AMMECR1L: variants seen among roughly 807,000 people sequenced by gnomAD.
AMMECR1L encodes AMMECR1-like protein.
A neutral mutation model predicts 36.8 loss-of-function variants in AMMECR1L; 4 were observed. That is an observed-to-expected ratio of 0.11 (90% CI 0.05 to 0.25). The LOEUF (loss-of-function observed/expected upper bound fraction) is 0.25. Among genes scored for constraint, AMMECR1L ranks in the 10% least tolerant of loss-of-function variants. The probability of loss-of-function intolerance (pLI) is 1.00; values close to 1 mark genes in which losing one functional copy is unlikely to be tolerated. For missense variants in AMMECR1L, 232 were observed against 392.1 expected, an observed-to-expected ratio of 0.59 and a Z score of 3.45; for synonymous variants, 147 against 148.0, an observed-to-expected ratio of 0.99 and a Z score of 0.05.
chr2:127,869,056 A>G lies in AMMECR1L; in HGVS notation c.724+398T>C, dbSNP rs1416448514. Among the ~76,000 whole-genome samples the G allele has an allele frequency of 2.6e-5, 4 of 152,162 alleles. No homozygotes were observed. The highest frequency in any genetic ancestry group is 9.7e-5 in the African/African-American group (4 of 41,448). On this transcript the variant is annotated intron_variant, in intron 6 of 7. Coordinates refer to ENST00000272647, the MANE Select transcript of AMMECR1L (RefSeq NM_001199140.2). This position sits in a 1 kb window ranked among gnomAD's most constrained non-coding sequence, Gnocchi z 4.7. ...AGTTCTTTAAAAAACAGTAGGGACT[A>G]TGTTTACACCCTTTGCCATGTATAA... is the stretch of plus-strand genomic sequence containing the variant.
chr2:127,878,892 C>T (rs1245089796), intron 2 of AMMECR1L, among the ~76,000 whole-genome samples: 3 of 152,258 alleles, frequency 2.0e-5, no homozygotes, highest in African/African-American at 7.2e-5. Context: ...TATTAGAAGG[C>T]ATTTCTTTAA....
In AMMECR1L at chr2:127,865,414, T is replaced by TC. The variant is rs1690639174; in HGVS notation, c.822-210dup. On this transcript the variant is annotated intron_variant, in intron 7 of 7. Transcript: ENST00000272647. This position sits in a 1 kb window ranked among gnomAD's most constrained non-coding sequence, Gnocchi z 5.4. ...CAAGATGAAAAAGCACAATCACAAT[T>TC]CCCCCGAGAATGTGTTTCAGCACAT... Among the ~76,000 whole-genome samples, 1 of 151,760 alleles carries TC rather than the reference T, an allele frequency of 6.6e-6. No homozygotes were observed. The highest frequency in any genetic ancestry group is 2.1e-4 in the South Asian group (1 of 4,802).
intron 2 of AMMECR1L, among the ~76,000 whole-genome samples, chr2:127,877,224 A>G (rs556408151): frequency 6.6e-6 from 1 of 151,466 alleles, no homozygotes; most frequent in Non-Finnish European, 1.5e-5. Flanking sequence ...CAGAGCACAC[A>G]CTCTTCAAAA....
At chr2:127,883,130 C>T (rs111306782) in intron 2 of AMMECR1L, among the ~76,000 whole-genome samples, 4,555 of 149,658 alleles carry the variant, frequency 0.03, 86 homozygotes, top group Non-Finnish European at 0.046. Context: ...CAGAGTCTCG[C>T]TCTGTCGTCA....
At chr2:127,866,832 C>G in intron 7 of AMMECR1L, 68 bp downstream of exon 7, 1 of 1,405,314 alleles carries the variant, frequency 7.1e-7, no homozygotes, top group African/African-American at 1.4e-5. Flanking sequence ...TTCTCCATCC[C>G]ATCAAAATTA....
rs1274909997 is a variant in AMMECR1L at position 127,862,164 on chromosome 2, T to C, written c.*2930A>G. 1 of 153,658 alleles carries C rather than the reference T, an allele frequency of 6.5e-6. No homozygotes were observed. The highest frequency in any genetic ancestry group is 6.6e-5 in the Admixed American group (1 of 15,266). 9.5% of individuals were successfully genotyped at this position (153,658 alleles called of 1,614,324 possible). A position where few individuals can be genotyped will look rare whatever the true frequency, so the allele number is the denominator to read the frequency against. The stretch of plus-strand genomic sequence containing the variant: ...AATTACAGAGAGAATGTCCTAGCTG[T>C]GGGTATTATGAGACAAGCCAACTTT... On this transcript the variant is annotated 3_prime_UTR_variant, in exon 8 of 8. Transcript: ENST00000272647.
intron 6 of AMMECR1L, among the ~76,000 whole-genome samples, chr2:127,868,156 C>T (rs1413449407): frequency 2.6e-5 from 4 of 152,188 alleles, no homozygotes; most frequent in South Asian, 2.1e-4. Flanking sequence ...TGTGAGCAAA[C>T]GTGCCCAGCC....
At chr2:127,879,594 T>C (rs1691399708) in intron 2 of AMMECR1L, among the ~76,000 whole-genome samples, 2 of 152,194 alleles carry the variant, frequency 1.3e-5, no homozygotes, top group African/African-American at 4.8e-5. Context: ...AGGCAAAGAA[T>C]GTAAACCAAG....
intron 1 of AMMECR1L, chr2:127,884,616 A>G (rs1318392813): frequency 3.3e-5 from 5 of 152,232 alleles, no homozygotes; most frequent in Non-Finnish European, 5.9e-5. Flanking sequence ...CTTCCCCACC[A>G]CAGATGCAGA....
chr2:127,869,371 G>T lies in AMMECR1L; in HGVS notation c.724+83C>A. ...ATTCTCAGCTGCAGTTGGGCTGCAA[G>T]ATGACACACTTCACTTTCTTGCCCT... On this transcript the variant is annotated intron_variant, in intron 6 of 7. Coordinates refer to ENST00000272647, the MANE Select transcript of AMMECR1L (RefSeq NM_001199140.2). This position sits in a 1 kb window ranked among gnomAD's most constrained non-coding sequence, Gnocchi z 4.7. 7.5e-7 allele frequency: 1 copy of T among 1,338,594 alleles called. No homozygotes were observed. The highest frequency in any genetic ancestry group is 1.2e-5 in the South Asian group (1 of 84,418). 82.9% of individuals were successfully genotyped at this position (1,338,594 alleles called of 1,614,324 possible).
chr2:127,869,362 G>T lies in AMMECR1L; in HGVS notation c.724+92C>A, dbSNP rs1248816715. On this transcript the variant is annotated intron_variant, in intron 6 of 7. Coordinates refer to ENST00000272647, the MANE Select transcript of AMMECR1L (RefSeq NM_001199140.2). This position sits in a 1 kb window ranked among gnomAD's most constrained non-coding sequence, Gnocchi z 4.7. ...AAGGCCCTCATTCTCAGCTGCAGTT[G>T]GGCTGCAAGATGACACACTTCACTT... The T allele has an allele frequency of 1.1e-5, 13 of 1,209,364 alleles. No homozygotes were observed. The highest frequency in any genetic ancestry group is 1.5e-5 in the African/African-American group (1 of 66,556). The allele number at this position is 1,209,364 out of a possible 1,614,324, so 74.9% of individuals were successfully genotyped here. A position where few individuals can be genotyped will look rare whatever the true frequency, so the allele number is the denominator to read the frequency against.
Position 127,873,758 on chromosome 2 carries a change from T to A in AMMECR1L, c.407+70A>T, listed in dbSNP as rs1573550027. ...ATAAAGACTTCCAAGTAGCAGACCC[T>A]CTCAAGAGAATCACCCCAGAAAGAT... On this transcript the variant is annotated intron_variant, in intron 3 of 7. Coordinates refer to ENST00000272647, the MANE Select transcript of AMMECR1L (RefSeq NM_001199140.2). This position sits in a 1 kb window ranked among gnomAD's most constrained non-coding sequence, Gnocchi z 5.2. The A allele has an allele frequency of 5.0e-6, 8 of 1,607,824 alleles. No homozygotes were observed. The highest frequency in any genetic ancestry group is 2.1e-4 in the Middle Eastern group (1 of 4,730).
In AMMECR1L at chr2:127,862,357, A is replaced by G. The variant is rs1211149357; in HGVS notation, c.*2737T>C. The G allele has an allele frequency of 1.3e-5, 2 of 153,774 alleles. No individual in the cohort carries two copies. The highest frequency in any genetic ancestry group is 4.8e-5 in the African/African-American group (2 of 41,440). The allele number at this position is 153,774 out of a possible 1,614,324, so 9.5% of individuals were successfully genotyped here. A position where few individuals can be genotyped will look rare whatever the true frequency, so the allele number is the denominator to read the frequency against. ...TCCCTTTTCTTTAAACCTACCACGC[A>G]CACCGCAGGTACTGGCCGCCCTCAT... On this transcript the variant is annotated 3_prime_UTR_variant, in exon 8 of 8. Coordinates refer to ENST00000272647, the MANE Select transcript of AMMECR1L (RefSeq NM_001199140.2).
At chr2:127,881,342 G>A (rs1217950172) in intron 2 of AMMECR1L, among the ~76,000 whole-genome samples, 1 of 107,112 alleles carries the variant, frequency 9.3e-6, no homozygotes, top group Non-Finnish European at 2.4e-5. Context: ...ACACAAAGAT[G>A]TGATGATGCC....
At position 127,873,860 on chromosome 2, in the gene AMMECR1L, C is replaced by T. The variant is rs1254718040; in HGVS notation, c.375G>A (p.Gln125=). The T allele has an allele frequency of 5.0e-6, 8 of 1,614,038 alleles. No homozygotes were observed. The African/African-American group carries it at 5.3e-5, about 11-fold the overall frequency. ...VLYCHLYGFP[Q]PRLPRFTNDP... ...CATTGGTGAATCTAGGAAGTCGTGG[C>T]TGTGGGAAGCCATAGAGGTGACAGT... Residue 125 remains glutamine (Q), a synonymous_variant, in exon 3 of 8, where the codon CAG becomes CAA. Coordinates refer to ENST00000272647, the MANE Select transcript of AMMECR1L (RefSeq NM_001199140.2). The surrounding 1 kb of genome is among the most constrained non-coding windows in gnomAD (Gnocchi z 5.2).
At chr2:127,878,315 C>T (rs184471944) in intron 2 of AMMECR1L, among the ~76,000 whole-genome samples, 1 of 152,132 alleles carries the variant, frequency 6.6e-6, no homozygotes, top group Admixed American at 6.5e-5. Flanking sequence ...GCTAGAGATA[C>T]AGGTCAGATG....
intron 2 of AMMECR1L, among the ~76,000 whole-genome samples, chr2:127,883,094 A>G (rs1435141941): frequency 1.5e-5 from 2 of 130,900 alleles, no homozygotes; most frequent in African/African-American, 6.4e-5. Flanking sequence ...AGAACTGCAA[A>G]TTTCTTTTCT....
intron 7 of AMMECR1L, among the ~76,000 whole-genome samples, chr2:127,866,172 A>G (rs1690675999): frequency 6.6e-6 from 1 of 152,234 alleles, no homozygotes; most frequent in African/African-American, 2.4e-5. Context: ...ACAAAAGCCC[A>G]TAGAAGCTAA....
chr2:127,865,036 AATG>A lies in AMMECR1L; in HGVS notation c.*55_*57del. The A allele has an allele frequency of 1.7e-6, 2 of 1,200,206 alleles. No homozygotes were observed. Among genetic ancestry groups the A allele is most frequent in the Non-Finnish European group, 2.5e-6 (2 of 813,198 alleles). The allele number at this position is 1,200,206 out of a possible 1,614,324, so 74.3% of individuals were successfully genotyped here. ...ACCAGGAAGAGGAGGCATCTGCTCC[AATG>A]ATGTCATAGCCATTGGTGGCCACGG... On this transcript the variant is annotated 3_prime_UTR_variant, in exon 8 of 8. Coordinates refer to ENST00000272647, the MANE Select transcript of AMMECR1L (RefSeq NM_001199140.2). The surrounding 1 kb of genome is among the most constrained non-coding windows in gnomAD (Gnocchi z 5.4).
Sources: allele counts gnomAD v4.1 joint callset (sites outside exome capture counted in the v4.1 genomes callset), GRCh38; gene constraint gnomAD v4.1.1; non-coding constraint Gnocchi (gnomAD v3.1); transcripts MANE v1.5; gene names NCBI Gene and HGNC (gene_info 2026-07-23, HGNC 2026-07-21).